RPN2: variants seen among roughly 807,000 people sequenced by gnomAD.
The protein encoded by RPN2 is ribophorin II, also known as dolichyl-diphosphooligosaccharide--protein glycosyltransferase subunit 2.
Under a neutral mutation model 71.4 loss-of-function variants are expected in RPN2, and 29 were observed. That is an observed-to-expected ratio of 0.41 (90% CI 0.30 to 0.55). RPN2 has a LOEUF of 0.55. Ranked by LOEUF, RPN2 falls within the 20% of genes least tolerant of loss-of-function variation. The pLI is 0.35. For missense variants in RPN2, 726 were observed against 774.1 expected (o/e 0.94, Z 0.74); for synonymous variants, 308 against 305.0 (o/e 1.01, Z -0.10).
chr20:37,194,303 C>T (rs563382769), intron 2 of RPN2, among the ~76,000 whole-genome samples: 151 of 152,050 alleles, frequency 9.9e-4, no homozygotes, highest in Non-Finnish European at 1.8e-3. Flanking sequence ...CTCTTGTCAC[C>T]CAGGCTGGAG....
intron 1 of RPN2, among the ~76,000 whole-genome samples, chr20:37,180,033 C>G (rs1024299332): frequency 6.6e-6 from 1 of 152,112 alleles, no homozygotes; most frequent in Admixed American, 6.6e-5. Flanking sequence ...AGTGCATGGC[C>G]CTAGGTAAGA....
chr20:37,184,319 C>T lies in RPN2; in HGVS notation c.153C>T (p.Ala51=). Reference sequence around the variant, plus strand: ...GCCCTTTCACAAATTTGGAATCTGCCTTCTACTCCATCGTGGGACTCAGCA... The same window carrying T: ...GCCCTTTCACAAATTTGGAATCTGCTTTCTACTCCATCGTGGGACTCAGCA... ...LDRPFTNLES[A]FYSIVGLSSL... is the part of the protein sequence containing the mutation. The change falls in exon 2 of 17, where the codon GCC becomes GCT. Residue 51 remains alanine (A), a synonymous_variant. Coordinates refer to ENST00000237530, the MANE Select transcript of RPN2 (RefSeq NM_002951.5). 1 of 1,614,202 alleles carries T rather than the reference C, an allele frequency of 6.2e-7. No homozygotes were observed. The highest frequency in any genetic ancestry group is 1.1e-5 in the South Asian group (1 of 91,082).
intron 2 of RPN2, among the ~76,000 whole-genome samples, chr20:37,194,344 C>T (rs1490444058): frequency 6.6e-6 from 1 of 152,124 alleles, no homozygotes; most frequent in East Asian, 1.9e-4. Flanking sequence ...TCACTGCAAC[C>T]TCCGCCTCCC....
At chr20:37,202,681 TCCAGA>T (rs1297674993) in intron 4 of RPN2, among the ~76,000 whole-genome samples, 1 of 152,128 alleles carries the variant, frequency 6.6e-6, no homozygotes, top group African/African-American at 2.4e-5. Flanking sequence ...AAGCTTATCT[TCCAGA>T]ATTATAGATA....
chr20:37,213,660 A>G (rs960592985), intron 8 of RPN2, 100 bp from the exon 9 acceptor site: 2 of 891,474 alleles, frequency 2.2e-6, no homozygotes, highest in African/African-American at 1.6e-5. Flanking sequence ...GGAGTTGGCT[A>G]GCCTTGGACA....
intron 16 of RPN2, among the ~76,000 whole-genome samples, chr20:37,240,520 C>A (rs1452115781): frequency 6.6e-6 from 1 of 152,182 alleles, no homozygotes; most frequent in Non-Finnish European, 1.5e-5. Flanking sequence ...GGAAGAGCTG[C>A]CACTGAAGGA....
chr20:37,232,304 C>G lies in RPN2; in HGVS notation c.1590C>G (p.Phe530Leu), dbSNP rs766281743. ...FTPKQEIQHL[F>L]REPEKRPPTV... is the part of the protein sequence containing the mutation. Reference sequence around the variant, plus strand: ...GGTGTGTCTTTCGGCAGCACCTGTTCCGCGAGCCTGAGAAGAGGCCCCCCA... The same window carrying G: ...GGTGTGTCTTTCGGCAGCACCTGTTGCGCGAGCCTGAGAAGAGGCCCCCCA... The change falls in exon 14 of 17, where the codon TTC becomes TTG. Residue 530 changes from phenylalanine (F) to leucine (L), a missense_variant. Transcript: ENST00000237530. 6.2e-7 allele frequency: 1 copy of G among 1,614,200 alleles called. No homozygotes were observed. The highest frequency in any genetic ancestry group is 1.1e-5 in the South Asian group (1 of 91,080).
chr20:37,225,197 AG>A (rs1301596237), intron 10 of RPN2, among the ~76,000 whole-genome samples: 1 of 152,210 alleles, frequency 6.6e-6, no homozygotes, highest in Non-Finnish European at 1.5e-5. Context: ...AACAGTGTCC[AG>A]GAAAAAAATA....
intron 13 of RPN2, 43 bp downstream of exon 13, chr20:37,230,102 G>A (rs759838571): frequency 1.1e-5 from 16 of 1,439,034 alleles, no homozygotes; most frequent in South Asian, 3.4e-5. Context: ...GGAGAAGAGA[G>A]GGCAACAAAG....
rs1205367571 is a variant in RPN2 at position 37,234,014 on chromosome 20, A to G, written c.1678-6A>G. On this transcript the variant is annotated splice_region_variant and splice_polypyrimidine_tract_variant and intron_variant, in intron 14 of 16. Coordinates refer to ENST00000237530, the MANE Select transcript of RPN2 (RefSeq NM_002951.5). ...CCTTTTTAATTTATTTCTCCCCATC[A>G]TTCAGTGGATCCGGATTGGTGCCAA... 4.3e-6 allele frequency: 7 copies of G among 1,613,950 alleles called. No individual in the cohort carries two copies. In the East Asian group the frequency reaches 6.7e-5, roughly 15 times the overall value.
At chr20:37,234,598 C>G (rs2068333199) in intron 15 of RPN2, among the ~76,000 whole-genome samples, 1 of 152,170 alleles carries the variant, frequency 6.6e-6, no homozygotes, top group Non-Finnish European at 1.5e-5. Flanking sequence ...AGTAAATTCA[C>G]AAATCACTTA....
chr20:37,206,087 C>A (rs967272435), intron 6 of RPN2, among the ~76,000 whole-genome samples: 3 of 152,124 alleles, frequency 2.0e-5, no homozygotes, highest in East Asian at 1.9e-4. Flanking sequence ...CTGTCAGGAA[C>A]AAGAGAGCCC....
intron 2 of RPN2, among the ~76,000 whole-genome samples, chr20:37,185,473 T>C (rs1204624761): frequency 6.6e-6 from 1 of 152,184 alleles, no homozygotes; most frequent in African/African-American, 2.4e-5. Context: ...TTATTCATTA[T>C]AGTAGTATGG....
chr20:37,205,266 G>A (rs1000394261), intron 6 of RPN2, among the ~76,000 whole-genome samples: 6 of 151,850 alleles, frequency 4.0e-5, no homozygotes, highest in African/African-American at 1.5e-4. Context: ...ATCCTTCTCT[G>A]GGCTCACAAT....
chr20:37,205,927 G>A (rs1016954240), intron 6 of RPN2, among the ~76,000 whole-genome samples: 3 of 152,180 alleles, frequency 2.0e-5, no homozygotes, highest in African/African-American at 7.2e-5. Flanking sequence ...CTGCTAACCA[G>A]GTACTTGGCT....
At chr20:37,224,092 A>G (rs1030060752) in intron 10 of RPN2, 123 bp downstream of exon 10, 31 of 791,108 alleles carry the variant, frequency 3.9e-5, no homozygotes, top group Non-Finnish European at 5.6e-5. Flanking sequence ...TACATCCTAA[A>G]TTAAAGAGTC....
rs544532463 is a variant in RPN2 at position 37,187,090 on chromosome 20, T to C, written c.207+2717T>C. On this transcript the variant is annotated intron_variant, in intron 2 of 16. Coordinates refer to ENST00000237530, the MANE Select transcript of RPN2 (RefSeq NM_002951.5). ...ATTAAGGTGTTGTCAGACTAATCTA[T>C]CGCTTATAAATAGTATATAGTAGGG... Among the ~76,000 whole-genome samples the C allele has an allele frequency of 3.3e-5, 5 of 152,354 alleles. 1 individual carries two copies. Among genetic ancestry groups the C allele is most frequent in the Admixed American group, 3.3e-4 (5 of 15,302 alleles).
intron 6 of RPN2, 138 bp from the exon 7 acceptor site, chr20:37,207,134 TC>T (rs1278706225): frequency 4.3e-6 from 3 of 703,984 alleles, no homozygotes; most frequent in Non-Finnish European, 7.7e-6. Context: ...GTTTTCTCCA[TC>T]TACGAATTTG....
intron 3 of RPN2, 102 bp from the exon 4 acceptor site, chr20:37,198,948 C>T (rs1057061793): frequency 1.6e-5 from 15 of 930,076 alleles, no homozygotes; most frequent in Middle Eastern, 2.1e-4. Flanking sequence ...ATGTGCGAGG[C>T]GGAGGTGACT....
Sources: gnomAD v4.1 joint callset for allele counts (sites outside exome capture counted in the v4.1 genomes callset) on GRCh38, gnomAD v4.1.1 for gene constraint, MANE v1.5 for transcripts, NCBI Gene and HGNC (gene_info 2026-07-23, HGNC 2026-07-21) for gene names.